The following HPSE2 variants were observed in gnomAD, a reference collection of about 807,000 sequenced individuals.
The protein encoded by HPSE2 is inactive heparanase-2.
HPSE2 carries 38 observed loss-of-function variants against 60.5 expected under a neutral mutation model. That is an observed-to-expected ratio of 0.63 (90% CI 0.48 to 0.82). HPSE2 has a LOEUF of 0.82. HPSE2 is among the 40% of genes least tolerant of loss of function. The pLI, the probability that HPSE2 is intolerant of heterozygous loss-of-function variation, is 0.00. For missense variants in HPSE2, 713 were observed against 740.4 expected (o/e 0.96, Z 0.43); for synonymous variants, 295 against 293.2 (o/e 1.01, Z -0.06).
At chr10:98,840,227 TG>T (rs1951878667) in intron 3 of HPSE2, among the ~76,000 whole-genome samples, 1 of 152,144 alleles carries the variant, frequency 6.6e-6, no homozygotes, top group South Asian at 2.1e-4. Flanking sequence ...ATAGTTCAGC[TG>T]GGCGGGATTA....
At chr10:99,297,281 C>T in the HPSE2 span, among the ~76,000 whole-genome samples, 2,573 of 152,338 alleles carry the variant, frequency 0.017, 69 homozygotes, top group African/African-American at 0.059. Flanking sequence ...CTTCCCACTG[C>T]TGCAGTTGAA....
chr10:98,566,698 G>A (rs1463015134), intron 9 of HPSE2, among the ~76,000 whole-genome samples: 1 of 152,168 alleles, frequency 6.6e-6, no homozygotes, highest in African/African-American at 2.4e-5. Context: ...ATGAGCTGGA[G>A]AGCTGGGGAA....
chr10:98,605,856 C>A (rs11189713), intron 9 of HPSE2, among the ~76,000 whole-genome samples: 2 of 152,160 alleles, frequency 1.3e-5, no homozygotes, highest in Non-Finnish European at 2.9e-5. Flanking sequence ...TGTGACTGAG[C>A]GTCTTTCCCC....
At chr10:98,888,192 A>G (rs1435562827) in intron 3 of HPSE2, among the ~76,000 whole-genome samples, 1 of 150,970 alleles carries the variant, frequency 6.6e-6, no homozygotes, top group Non-Finnish European at 1.5e-5. Flanking sequence ...TAAGGTCTAA[A>G]GAAATCAGCC....
At chr10:99,067,600 C>T (rs1422237276) in intron 3 of HPSE2, among the ~76,000 whole-genome samples, 1 of 152,206 alleles carries the variant, frequency 6.6e-6, no homozygotes, top group Non-Finnish European at 1.5e-5. Flanking sequence ...ATGTTGGCTC[C>T]TTTTAACCAC....
intron 7 of HPSE2, among the ~76,000 whole-genome samples, chr10:98,626,338 A>C (rs563103820): frequency 6.8e-4 from 103 of 152,302 alleles, no homozygotes; most frequent in African/African-American, 2.4e-3. Context: ...TTTATTGTAC[A>C]TTTGTATAAT....
intron 11 of HPSE2, among the ~76,000 whole-genome samples, chr10:98,466,615 A>C (rs1387837816): frequency 6.6e-6 from 1 of 151,498 alleles, no homozygotes; most frequent in Admixed American, 6.6e-5. Flanking sequence ...CGTCTCAAAA[A>C]AAAAAAAAAA....
chr10:99,181,313 G>A lies in HPSE2; in HGVS notation c.449-36914C>T, dbSNP rs1409180301. Among the ~76,000 whole-genome samples the A allele has an allele frequency of 2.0e-5, 3 of 147,526 alleles. No individual in the cohort carries two copies. In the Admixed American group the frequency reaches 2.1e-4, roughly 10 times the overall value. On this transcript the variant is annotated intron_variant, in intron 2 of 11. Coordinates refer to ENST00000370552, the MANE Select transcript of HPSE2 (RefSeq NM_021828.5). ...CTCGGGAGGCTGAGGCAGGAGAATG[G>A]CGTGAACCCGGGAGGCGGAGCTTGC...
the HPSE2 span, among the ~76,000 whole-genome samples, chr10:99,286,682 TTC>T: frequency 1.3e-5 from 2 of 152,182 alleles, no homozygotes; most frequent in African/African-American, 2.4e-5. Flanking sequence ...AATGAAAATT[TTC>T]TGTTATGTAT....
At chr10:98,534,374 C>T (rs1943219211) in intron 9 of HPSE2, among the ~76,000 whole-genome samples, 1 of 151,982 alleles carries the variant, frequency 6.6e-6, no homozygotes. Context: ...TGAAATTTCC[C>T]AGTTTAATTA....
chr10:99,235,173 C>T (rs1849799640), intron 1 of HPSE2, among the ~76,000 whole-genome samples: 1 of 152,016 alleles, frequency 6.6e-6, no homozygotes, highest in Non-Finnish European at 1.5e-5. Context: ...CTTTTCTTCG[C>T]TTTTGTAACT....
At chr10:99,143,314 T>C (rs1845932376) in intron 3 of HPSE2, among the ~76,000 whole-genome samples, 1 of 152,056 alleles carries the variant, frequency 6.6e-6, no homozygotes, top group Admixed American at 6.6e-5. Context: ...TGGTTGCCAC[T>C]CAGCAATTCC....
intron 2 of HPSE2, among the ~76,000 whole-genome samples, chr10:99,217,336 C>T (rs1007008425): frequency 3.3e-5 from 5 of 151,664 alleles, no homozygotes; most frequent in Admixed American, 2.0e-4. Flanking sequence ...GATTCAAATG[C>T]ACATTAAAAC....
At chr10:98,618,689 G>A (rs1371915857) in intron 8 of HPSE2, among the ~76,000 whole-genome samples, 1 of 152,116 alleles carries the variant, frequency 6.6e-6, no homozygotes, top group African/African-American at 2.4e-5. Flanking sequence ...CAATTCTCCC[G>A]CCTCAGCCTC....
intron 9 of HPSE2, among the ~76,000 whole-genome samples, chr10:98,577,074 C>T (rs1251855728): frequency 6.6e-6 from 1 of 151,996 alleles, no homozygotes; most frequent in South Asian, 2.1e-4. Context: ...CTGTTCACTT[C>T]TGCAACTCCA....
intron 3 of HPSE2, among the ~76,000 whole-genome samples, chr10:98,918,794 C>T (rs1297506071): frequency 6.6e-6 from 1 of 150,436 alleles, no homozygotes; most frequent in African/African-American, 2.5e-5. Flanking sequence ...CTAACCTGCA[C>T]ATTGTGCACA....
intron 3 of HPSE2, among the ~76,000 whole-genome samples, chr10:98,814,325 C>T (rs1232614946): frequency 1.3e-5 from 2 of 152,156 alleles, no homozygotes; most frequent in Non-Finnish European, 2.9e-5. Context: ...GCTAAACTCA[C>T]TTATTAGTCC....
chr10:98,794,938 C>T (rs1950740020), intron 3 of HPSE2, among the ~76,000 whole-genome samples: 1 of 134,558 alleles, frequency 7.4e-6, no homozygotes, highest in Non-Finnish European at 1.6e-5. Flanking sequence ...GCTTTCTTTC[C>T]TTGTTCAAAA....
intron 3 of HPSE2, among the ~76,000 whole-genome samples, chr10:99,120,198 G>A (rs11189981): frequency 0.49 from 74,900 of 151,842 alleles, 20,929 homozygotes; most frequent in East Asian, 0.66. Context: ...CTATGCATCC[G>A]ACAAAGGTTT....
Sources: allele counts gnomAD v4.1 joint callset (sites outside exome capture counted in the v4.1 genomes callset), GRCh38; gene constraint gnomAD v4.1.1; transcripts MANE v1.5; gene names NCBI Gene and HGNC (gene_info 2026-07-23, HGNC 2026-07-21).